The following NYAP2 variants were observed in gnomAD, a reference collection of about 807,000 sequenced individuals.
NYAP2 encodes neuronal tyrosine-phosphorylated phosphoinositide-3-kinase adaptor 2, also known as neuronal tyrosine-phosphorylated phosphoinositide-3-kinase adapter 2.
NYAP2 carries 23 observed loss-of-function variants against 50.4 expected under a neutral mutation model. The ratio of observed to expected loss-of-function variants is 0.46; its 90% confidence interval spans 0.33 to 0.65. NYAP2 has a LOEUF of 0.65. Among genes scored for constraint, NYAP2 ranks in the 30% least tolerant of loss-of-function variants. The pLI is 0.02. For synonymous variants in NYAP2, 394 were observed against 365.2 expected (o/e 1.08, Z -0.90); for missense variants, 885 against 861.0 (o/e 1.03, Z -0.35).
chr2:225,516,537 C>T (rs1298017622), intron 4 of NYAP2, among the ~76,000 whole-genome samples: 2 of 151,886 alleles, frequency 1.3e-5, no homozygotes, highest in Non-Finnish European at 2.9e-5. Flanking sequence ...TTTTACTTTC[C>T]CTTTTTTTTT....
At chr2:225,522,483 T>A (rs1691082508) in intron 4 of NYAP2, among the ~76,000 whole-genome samples, 3 of 152,260 alleles carry the variant, frequency 2.0e-5, no homozygotes, top group Admixed American at 2.0e-4. Context: ...AATGTGTGGT[T>A]GAGCCAGAAC....
chr2:225,424,985 A>T (rs1018209421), intron 3 of NYAP2, among the ~76,000 whole-genome samples: 4 of 152,200 alleles, frequency 2.6e-5, no homozygotes, highest in African/African-American at 7.2e-5. Flanking sequence ...GGTATGTCTA[A>T]ACTGACACAT....
chr2:225,454,747 A>T (rs1399119725), intron 3 of NYAP2, among the ~76,000 whole-genome samples: 2 of 152,154 alleles, frequency 1.3e-5, no homozygotes, highest in Non-Finnish European at 2.9e-5. Context: ...TGATGATCTG[A>T]GGTGGAACAG....
At chr2:225,409,600 T>C (rs1172139269) in intron 3 of NYAP2, among the ~76,000 whole-genome samples, 2 of 152,058 alleles carry the variant, frequency 1.3e-5, no homozygotes, top group African/African-American at 2.4e-5. Flanking sequence ...CAGACTTTTA[T>C]GGCTGTTAAA....
the NYAP2 span, among the ~76,000 whole-genome samples, chr2:225,688,599 T>G: frequency 4.5e-4 from 68 of 152,302 alleles, no homozygotes; most frequent in African/African-American, 1.6e-3. Flanking sequence ...AAACCTATTT[T>G]ATTATTTTCA....
At chr2:225,544,309 A>C (rs1036935554) in intron 4 of NYAP2, among the ~76,000 whole-genome samples, 2 of 151,224 alleles carry the variant, frequency 1.3e-5, no homozygotes, top group African/African-American at 2.4e-5. Context: ...ATAAATAGGG[A>C]CTTACTCCTG....
the NYAP2 span, among the ~76,000 whole-genome samples, chr2:225,692,114 GCT>G: frequency 6.6e-6 from 1 of 152,062 alleles, no homozygotes. Flanking sequence ...TTGGCATCGT[GCT>G]CTGTCTCCTA....
chr2:225,627,750 T>C (rs1224543681), intron 6 of NYAP2, among the ~76,000 whole-genome samples: 1 of 152,226 alleles, frequency 6.6e-6, no homozygotes, highest in African/African-American at 2.4e-5. Flanking sequence ...ACATGGTTAA[T>C]AGGTAGGTAT....
At chr2:225,557,857 G>A (rs7574299) in intron 4 of NYAP2, among the ~76,000 whole-genome samples, 152,317 of 152,324 alleles carry the variant, frequency 1, 76,155 homozygotes, top group Middle Eastern at 1. Context: ...TTATTTTAAA[G>A]TTAGGTGGAA....
In NYAP2 at chr2:225,649,123, G is replaced by A. The variant is rs145328846; in HGVS notation, c.1829-2309G>A. ...GTGTATGTGTGTGTATGTGTGTAGG[G>A]GGTGAGAGCTAGCATTCACTAAAAG... is the stretch of plus-strand genomic sequence containing the variant. On this transcript the variant is annotated intron_variant, in intron 6 of 6. Transcript: ENST00000636099. 5.3e-4 allele frequency among the ~76,000 whole-genome samples: 80 copies of A among 152,186 alleles called. 1 individual carries two copies. Among genetic ancestry groups the A allele is most frequent in the African/African-American group, 1.9e-3 (79 of 41,536 alleles).
At chr2:225,504,703 T>C (rs1347037889) in intron 3 of NYAP2, among the ~76,000 whole-genome samples, 1 of 152,136 alleles carries the variant, frequency 6.6e-6, no homozygotes, top group Non-Finnish European at 1.5e-5. Flanking sequence ...AAGAACATAT[T>C]TGATATTTAA....
At chr2:225,409,166 T>C in intron 3 of NYAP2, 65 bp downstream of exon 3, 1 of 1,200,980 alleles carries the variant, frequency 8.3e-7, no homozygotes, top group Non-Finnish European at 1.2e-6. Flanking sequence ...GCTGCTAAAG[T>C]TGTGATGTTG....
At chr2:225,572,992 C>T (rs1692102541) in intron 4 of NYAP2, among the ~76,000 whole-genome samples, 1 of 152,068 alleles carries the variant, frequency 6.6e-6, no homozygotes, top group East Asian at 1.9e-4. Flanking sequence ...TTTTCTATCT[C>T]CTCTCTGAAT....
intron 3 of NYAP2, among the ~76,000 whole-genome samples, chr2:225,466,656 A>G (rs1358693989): frequency 6.6e-6 from 1 of 152,354 alleles, no homozygotes; most frequent in South Asian, 2.1e-4. Context: ...GCTTCCAAAA[A>G]GTCAAGAGCC....
the NYAP2 span, chr2:225,699,124 G>T: frequency 1.3e-5 from 2 of 151,812 alleles, no homozygotes; most frequent in African/African-American, 4.8e-5. Context: ...TGCTTAATTT[G>T]GACGTCCAAG....
chr2:225,513,931 A>G (rs1057042565), intron 4 of NYAP2, among the ~76,000 whole-genome samples: 2 of 152,260 alleles, frequency 1.3e-5, no homozygotes, highest in African/African-American at 4.8e-5. Context: ...TTATTCAAAA[A>G]TTATTCTGCC....
chr2:225,582,602 A>G lies in NYAP2; in HGVS notation c.1185A>G (p.Lys395=), dbSNP rs1270761462. 6.3e-7 allele frequency: 1 copy of G among 1,596,104 alleles called. No individual in the cohort carries two copies. Among genetic ancestry groups the G allele is most frequent in the East Asian group, 2.3e-5 (1 of 43,654 alleles). The stretch of plus-strand genomic sequence containing the variant: ...TCCCCGGCCATGCGAAACTGGAGAA[A>G]GAGCAGGCCGCGGCCCTGGGACCTG... Residue 395 remains lysine (K), a synonymous_variant, in exon 5 of 7, where the codon AAA becomes AAG. Transcript: ENST00000636099. The surrounding 1 kb of genome is among the most constrained non-coding windows in gnomAD (Gnocchi z 7.0).
At chr2:225,632,567 T>C (rs1042978338) in intron 6 of NYAP2, among the ~76,000 whole-genome samples, 4 of 152,238 alleles carry the variant, frequency 2.6e-5, no homozygotes, top group African/African-American at 9.6e-5. Context: ...CTAATTAACA[T>C]TAACACTGGT....
chr2:225,511,363 CACACACACACAG>C (rs1255508111), intron 3 of NYAP2, among the ~76,000 whole-genome samples: 56 of 142,940 alleles, frequency 3.9e-4, no homozygotes, highest in African/African-American at 8.2e-4. Context: ...CACACACACA[CACACACACACAG>C]AGAGAGAGAG....
Sources: gnomAD v4.1 joint callset for allele counts (sites outside exome capture counted in the v4.1 genomes callset) on GRCh38, gnomAD v4.1.1 for gene constraint, Gnocchi (gnomAD v3.1) non-coding constraint, MANE v1.5 for transcripts, NCBI Gene and HGNC (gene_info 2026-07-23, HGNC 2026-07-21) for gene names.